NLRP3: variants seen among roughly 807,000 people sequenced by gnomAD.
NLRP3 encodes the protein NLR family pyrin domain containing 3.
NLRP3 carries 48 observed loss-of-function variants against 91.3 expected under a neutral mutation model. The observed-to-expected ratio is 0.53, with a 90% CI of 0.42 to 0.67. The LOEUF (loss-of-function observed/expected upper bound fraction) is 0.67. Among genes scored for constraint, NLRP3 ranks in the 30% least tolerant of loss-of-function variants. The probability of loss-of-function intolerance (pLI) is 0.00; values close to 1 mark genes in which losing one functional copy is unlikely to be tolerated. For synonymous variants in NLRP3, 561 were observed against 507.9 expected, an observed-to-expected ratio of 1.10 and a Z score of -1.41; for missense variants, 982 against 1,276.9, an observed-to-expected ratio of 0.77 and a Z score of 3.52.
chr1:247,423,473 G>A, intron 3 of NLRP3, 124 bp downstream of exon 3: 4 of 1,158,596 alleles, frequency 3.5e-6, no homozygotes, highest in Non-Finnish European at 5.2e-6. Context: ...GCAAAGGCCT[G>A]TCTCAGGAAA....
At chr1:247,428,972 A>G (rs1213519091) in intron 4 of NLRP3, among the ~76,000 whole-genome samples, 1 of 149,280 alleles carries the variant, frequency 6.7e-6, no homozygotes, top group East Asian at 2.0e-4. Flanking sequence ...GGCTCACTGC[A>G]ACTTCCACCT....
chr1:247,425,669 C>G lies in NLRP3; in HGVS notation c.2150+70C>G, dbSNP rs1430124710. 7.0e-7 allele frequency: 1 copy of G among 1,429,050 alleles called. No homozygotes were observed. Among genetic ancestry groups the G allele is most frequent in the Non-Finnish European group, 9.7e-7 (1 of 1,028,468 alleles). 88.5% of individuals were successfully genotyped at this position (1,429,050 alleles called of 1,614,324 possible). On this transcript the variant is annotated intron_variant, in intron 4 of 9. Transcript: ENST00000336119. The surrounding 1 kb of genome is among the most constrained non-coding windows in gnomAD (Gnocchi z 4.1). ...AGCTTCTTCTTGGCGCTTGCCTCCT[C>G]TCATCTCTTTTCAACTATCTTCCAA... is the stretch of plus-strand genomic sequence containing the variant.
At chr1:247,433,400 G>T (rs950128902) in intron 5 of NLRP3, among the ~76,000 whole-genome samples, 1 of 152,172 alleles carries the variant, frequency 6.6e-6, no homozygotes, top group African/African-American at 2.4e-5. Context: ...GAGGGAAGGA[G>T]GTGGGTGCAC....
chr1:247,427,624 C>T (rs535834152), intron 4 of NLRP3, among the ~76,000 whole-genome samples: 37 of 151,378 alleles, frequency 2.4e-4, no homozygotes, highest in East Asian at 9.8e-4. Flanking sequence ...ACTGAAGCCC[C>T]GGTAGGAGGC....
In NLRP3 at chr1:247,444,691, C is replaced by T. The variant is rs771612656; in HGVS notation, c.2875C>T (p.Leu959Phe). ...CNLTSHCCWD[L>F]STLLTSSQSL... is the part of the protein sequence containing the mutation. Reference sequence around the variant, plus strand: ...CCTCACGTCACACTGCTGCTGGGATCTTTCCACACTTCTGACCTCCAGCCA... The same window carrying T: ...CCTCACGTCACACTGCTGCTGGGATTTTTCCACACTTCTGACCTCCAGCCA... Residue 959 changes from leucine to phenylalanine, a missense_variant, in exon 9 of 10, where the codon CTT (leucine) becomes TTT (phenylalanine). Transcript: ENST00000336119. 6.2e-7 allele frequency: 1 copy of T among 1,614,118 alleles called. No homozygotes were observed. The highest frequency in any genetic ancestry group is 2.2e-5 in the East Asian group (1 of 44,876).
chr1:247,421,117 A>G (rs960204285), intron 2 of NLRP3, among the ~76,000 whole-genome samples: 1 of 152,296 alleles, frequency 6.6e-6, no homozygotes, highest in East Asian at 1.9e-4. Context: ...CCATGTACAC[A>G]TTGGGGATAA....
At chr1:247,421,984 G>A (rs1662490223) in intron 2 of NLRP3, among the ~76,000 whole-genome samples, 1 of 152,068 alleles carries the variant, frequency 6.6e-6, no homozygotes. Flanking sequence ...TGGAAACAAA[G>A]CAAGACTCTG....
chr1:247,430,833 C>T (rs1663263004), intron 5 of NLRP3, among the ~76,000 whole-genome samples: 2 of 151,168 alleles, frequency 1.3e-5, no homozygotes, highest in South Asian at 4.2e-4. Context: ...AGTGTGTGAT[C>T]ACAGCTTACT....
intron 5 of NLRP3, among the ~76,000 whole-genome samples, 189 bp from the exon 6 acceptor site, chr1:247,433,914 C>A (rs113503382): frequency 1.1e-5 from 1 of 94,798 alleles, no homozygotes; most frequent in Non-Finnish European, 2.2e-5. Flanking sequence ...GATGCTTTCT[C>A]TATTCCGGAG....
At chr1:247,433,355 G>T (rs920840380) in intron 5 of NLRP3, among the ~76,000 whole-genome samples, 1 of 152,240 alleles carries the variant, frequency 6.6e-6, no homozygotes, top group African/African-American at 2.4e-5. Flanking sequence ...GGCGAGGGCA[G>T]TGCCGACTGC....
intron 2 of NLRP3, among the ~76,000 whole-genome samples, chr1:247,421,412 G>T (rs1359387702): frequency 6.6e-6 from 1 of 152,152 alleles, no homozygotes; most frequent in Non-Finnish European, 1.5e-5. Flanking sequence ...CTTGAGCCCA[G>T]GAGCTCAAAA....
chr1:247,437,788 G>A (rs780149592), intron 7 of NLRP3, among the ~76,000 whole-genome samples: 11 of 152,228 alleles, frequency 7.2e-5, no homozygotes, highest in Non-Finnish European at 1.5e-4. Flanking sequence ...TGACGGCGAG[G>A]GGTGCTTCTC....
rs151097783 is a variant in NLRP3 at position 247,425,114 on chromosome 1, C to T, written c.1665C>T (p.Asp555=). The stretch of plus-strand genomic sequence containing the variant: ...GTCGTTTGAAGCTTCCCAGCCGAGA[C>T]GTGACAGTCCTTCTGGAAAACTATG... ...PGSRLKLPSR[D]VTVLLENYGK... The change falls in exon 4 of 10, where the codon GAC becomes GAT. Residue 555 remains aspartate (D), a synonymous_variant. Transcript: ENST00000336119. This position sits in a 1 kb window ranked among gnomAD's most constrained non-coding sequence, Gnocchi z 4.1. 2.5e-5 allele frequency: 40 copies of T among 1,614,108 alleles called. No homozygotes were observed. The highest frequency in any genetic ancestry group is 2.3e-4 in the African/African-American group (17 of 75,032).
rs115160367 is a variant in NLRP3 at position 247,416,516 on chromosome 1, C to A, written c.-749+323C>A. Among the ~76,000 whole-genome samples the A allele has an allele frequency of 9.4e-4, 143 of 152,272 alleles. 2 individuals are homozygous for A. In the Middle Eastern group the frequency reaches 0.027, roughly 29 times the overall value. ...ATGGGATATACAGAAGGAAACAAAC[C>A]TCCTTAAAGACCAAAGGGCAGCAGA... On this transcript the variant is annotated intron_variant, in intron 1 of 9. Transcript: ENST00000336119.
At position 247,444,010 on chromosome 1, in the gene NLRP3, C is replaced by A. The variant is rs1423219952; in HGVS notation, c.2702C>A (p.Ala901Asp). The change falls in exon 8 of 10, where the codon GCT becomes GAT. Residue 901 changes from alanine (A) to aspartate (D), a missense_variant. This residue lies in a region of NLRP3 where 373 missense variants were observed against 431.5 expected (regional missense o/e 0.86). Transcript: ENST00000336119. The stretch of plus-strand genomic sequence containing the variant: ...GGCCTTACGTCAGTCTGTTGTTCAG[C>A]TTTGTCCTCGGTACTCAGCACTAAT... ...NSGLTSVCCS[A>D]LSSVLSTNQN... 2 of 1,614,170 alleles carry A rather than the reference C, an allele frequency of 1.2e-6. No individual in the cohort carries two copies. The highest frequency in any genetic ancestry group is 1.7e-6 in the Non-Finnish European group (2 of 1,180,034).
At chr1:247,416,600 A>G (rs1437440612) in intron 1 of NLRP3, among the ~76,000 whole-genome samples, 3 of 152,094 alleles carry the variant, frequency 2.0e-5, no homozygotes, top group African/African-American at 7.2e-5. Flanking sequence ...CCTGATGCAG[A>G]TGGAAGGACT....
chr1:247,436,430 C>T (rs1663796214), intron 7 of NLRP3, among the ~76,000 whole-genome samples: 1 of 152,226 alleles, frequency 6.6e-6, no homozygotes, highest in Non-Finnish European at 1.5e-5. Flanking sequence ...CCAAGACACT[C>T]ACATGAATAG....
intron 5 of NLRP3, among the ~76,000 whole-genome samples, chr1:247,433,684 G>T (rs145763663): frequency 9.1e-4 from 97 of 106,646 alleles, no homozygotes; most frequent in African/African-American, 3.5e-3. Flanking sequence ...TCTCTGGTCA[G>T]GTGTGTCCTG....
chr1:247,448,268 CTTTTTTTTTTTT>C (rs58966539), intron 9 of NLRP3, 125 bp from the exon 10 acceptor site: 2 of 357,902 alleles, frequency 5.6e-6, no homozygotes, highest in South Asian at 2.0e-5. Flanking sequence ...TGTGGTCCCT[CTTTTTTTTTTTT>C]TTTTTTTTTT....
Sources: allele counts gnomAD v4.1 joint callset (sites outside exome capture counted in the v4.1 genomes callset), GRCh38; gene constraint gnomAD v4.1.1; regional missense constraint gnomAD v4.1.1; non-coding constraint Gnocchi (gnomAD v3.1); transcripts MANE v1.5; gene names NCBI Gene and HGNC (gene_info 2026-07-23, HGNC 2026-07-21).